Variants in MTMR2 observed in about 807,000 individuals in gnomAD.
MTMR2 encodes myotubularin related protein 2, also known as phosphatidylinositol-3,5-bisphosphate 3-phosphatase MTMR2.
Under a neutral mutation model 86.9 loss-of-function variants are expected in MTMR2, and 55 were observed. The observed-to-expected ratio is 0.63, with a 90% CI of 0.51 to 0.79. The LOEUF is 0.79. Ranked by LOEUF, MTMR2 falls within the 30% of genes least tolerant of loss-of-function variation. The pLI, the probability that MTMR2 is intolerant of heterozygous loss-of-function variation, is 0.00. For synonymous variants in MTMR2, 241 were observed against 266.8 expected (o/e 0.90, Z 0.94); for missense variants, 659 against 772.3 (o/e 0.85, Z 1.74).
At position 95,860,940 on chromosome 11, in the gene MTMR2, G is replaced by A. The variant is rs1284554289; in HGVS notation, c.468+1052C>T. 3.9e-5 allele frequency among the ~76,000 whole-genome samples: 6 copies of A among 151,994 alleles called. No homozygotes were observed. The East Asian group carries it at 1.2e-3, about 29-fold the overall frequency. On this transcript the variant is annotated intron_variant, in intron 5 of 14. Transcript: ENST00000346299. ...TGAGAGGCCGAGATGGGCAGATCAC[G>A]AGGTCAGGAGATTGGGACCATCCTG...
chr11:95,897,185 G>A (rs1413676188), intron 1 of MTMR2, among the ~76,000 whole-genome samples: 1 of 152,018 alleles, frequency 6.6e-6, no homozygotes, highest in Non-Finnish European at 1.5e-5. Context: ...GGACTTAAAG[G>A]TTAAGAATCT....
intron 1 of MTMR2, among the ~76,000 whole-genome samples, chr11:95,916,976 A>G (rs1866735083): frequency 6.6e-6 from 1 of 152,202 alleles, no homozygotes; most frequent in Admixed American, 6.5e-5. Context: ...AGCTTTGCAT[A>G]ATAAAGCTAC....
chr11:95,888,928 A>C (rs1865613039), intron 1 of MTMR2, among the ~76,000 whole-genome samples: 1 of 152,172 alleles, frequency 6.6e-6, no homozygotes, highest in Admixed American at 6.5e-5. Context: ...AAAGGTATAG[A>C]AGTATCAAAG....
chr11:95,890,559 G>A (rs1865681512), intron 1 of MTMR2, among the ~76,000 whole-genome samples: 1 of 152,244 alleles, frequency 6.6e-6, no homozygotes, highest in Non-Finnish European at 1.5e-5. Context: ...AAACAGCAGG[G>A]TAGTCTTTGT....
At chr11:95,860,532 T>G (rs1864374841) in intron 5 of MTMR2, among the ~76,000 whole-genome samples, 1 of 152,082 alleles carries the variant, frequency 6.6e-6, no homozygotes, top group South Asian at 2.1e-4. Context: ...AAATAATTAC[T>G]AAGTCATTAG....
intron 1 of MTMR2, among the ~76,000 whole-genome samples, chr11:95,919,929 T>C (rs1391258364): frequency 6.6e-6 from 1 of 152,186 alleles, no homozygotes; most frequent in Non-Finnish European, 1.5e-5. Flanking sequence ...CATTTTATAA[T>C]AGTGTATAAA....
chr11:95,841,552 A>G, intron 12 of MTMR2, 65 bp downstream of exon 12: 1 of 1,193,032 alleles, frequency 8.4e-7, no homozygotes, highest in Admixed American at 1.7e-5. Flanking sequence ...CAGTGACCAA[A>G]TCTCCCCACT....
At chr11:95,913,112 AT>A (rs1271399383) in intron 1 of MTMR2, 1 of 152,130 alleles carries the variant, frequency 6.6e-6, no homozygotes, top group African/African-American at 2.4e-5. Flanking sequence ...AAGAAACAGT[AT>A]GTTTTTCATT....
At chr11:95,872,295 A>C (rs1471646426) in intron 2 of MTMR2, among the ~76,000 whole-genome samples, 3 of 151,946 alleles carry the variant, frequency 2.0e-5, no homozygotes, top group Non-Finnish European at 4.4e-5. Context: ...CTTTTATTTC[A>C]TTGAGCAGTG....
Position 95,901,637 on chromosome 11 carries a change from A to G in MTMR2, c.81-13376T>C, listed in dbSNP as rs938410229. Among the ~76,000 whole-genome samples, 3 of 152,330 alleles carry G rather than the reference A, an allele frequency of 2.0e-5. No homozygotes were observed. In the East Asian group the frequency reaches 5.8e-4, roughly 29 times the overall value. ...AATTGGATCTCCTTTTGACTAACTC[A>G]TATTGCTTCTGATAAGGAGTACAGA... On this transcript the variant is annotated intron_variant, in intron 1 of 14. Transcript: ENST00000346299.
At chr11:95,922,121 G>A (rs550939294) in intron 1 of MTMR2, among the ~76,000 whole-genome samples, 1 of 152,086 alleles carries the variant, frequency 6.6e-6, no homozygotes, top group South Asian at 2.1e-4. Flanking sequence ...GAGTTCCAAG[G>A]GACCTTACAG....
chr11:95,850,645 T>G lies in MTMR2; in HGVS notation c.759A>C (p.Glu253Asp), dbSNP rs753939570. ...TGAAGGATGCCACTCTCTTTAATTC[T>G]TCATCAGGAATATTTGCTGGCACAA... ...LLVVPANIPD[E>D]ELKRVASFRS... is the part of the protein sequence containing the mutation. Residue 253 changes from glutamate (E) to aspartate (D), a missense_variant, in exon 8 of 15, where the codon GAA becomes GAC. Coordinates refer to ENST00000346299, the MANE Select transcript of MTMR2 (RefSeq NM_016156.6). 6.8e-6 allele frequency: 11 copies of G among 1,614,168 alleles called. No individual in the cohort carries two copies. Among genetic ancestry groups the G allele is most frequent in the Non-Finnish European group, 9.3e-6 (11 of 1,180,000 alleles).
chr11:95,853,400 C>T (rs1272023905), intron 7 of MTMR2, among the ~76,000 whole-genome samples: 1 of 152,166 alleles, frequency 6.6e-6, no homozygotes. Context: ...CCATTCTCTA[C>T]ACTGCCTCCA....
Position 95,857,592 on chromosome 11 carries a change from C to T in MTMR2, c.614G>A (p.Gly205Glu), listed in dbSNP as rs1332787954. 1 of 1,612,614 alleles carries T rather than the reference C, an allele frequency of 6.2e-7. No homozygotes were observed. Among genetic ancestry groups the T allele is most frequent in the Admixed American group, 1.7e-5 (1 of 60,000 alleles). ...TAAAAGAGGGTCATATAGCTTCCACCCATTTTCAGGGAATACTTCTTTGTA... is the reference window on the plus strand; with the variant it reads ...TAAAAGAGGGTCATATAGCTTCCACTCATTTTCAGGGAATACTTCTTTGTA... ...FEYKEVFPEN[G>E]WKLYDPLLEY... The change falls in exon 7 of 15, where the codon GGG (glycine) becomes GAG (glutamate). Residue 205 changes from glycine to glutamate, a missense_variant. By Grantham distance (98) the Gly-to-Glu change is moderately conservative (BLOSUM62 -2). Transcript: ENST00000346299.
At chr11:95,866,556 A>G (rs1279347666) in intron 2 of MTMR2, 2 of 151,980 alleles carry the variant, frequency 1.3e-5, no homozygotes, top group Non-Finnish European at 2.9e-5. Context: ...TTGAAAGTTT[A>G]ACAATTTGTT....
intron 14 of MTMR2, 103 bp downstream of exon 14, chr11:95,836,045 G>A: frequency 8.6e-7 from 1 of 1,163,444 alleles, no homozygotes; most frequent in East Asian, 2.3e-5. Flanking sequence ...TGGGTAAGGA[G>A]TAAAGTTTTA....
chr11:95,886,198 C>T (rs987275585), intron 2 of MTMR2, among the ~76,000 whole-genome samples: 5 of 151,966 alleles, frequency 3.3e-5, no homozygotes, highest in Non-Finnish European at 7.4e-5. Flanking sequence ...TTAATAATAA[C>T]GTATCAGTAT....
chr11:95,845,882 TAAAAAAAAA>T (rs201863810), intron 10 of MTMR2, among the ~76,000 whole-genome samples: 1 of 90,100 alleles, frequency 1.1e-5, no homozygotes, highest in East Asian at 2.9e-4. Context: ...TATGGTATCT[TAAAAAAAAA>T]AAAAAAAAAA....
In MTMR2 at chr11:95,835,333, C is replaced by G; in HGVS notation, c.1889G>C (p.Ser630Thr). ...NRSTSSSERA[S>T]SPAQCVTPVQ... ...AGGAGTGACACACTGTGCAGGAGAG[C>G]TGGCTCTCTCTGAGGATGAGGTTGA... is the stretch of plus-strand genomic sequence containing the variant. The change falls in exon 15 of 15, where the codon AGC becomes ACC. Residue 630 changes from serine to threonine, a missense_variant. Around this residue, in one of 3 missense-constraint regions of MTMR2, gnomAD observed 193 missense variants for 191.6 expected, o/e 1.01. Transcript: ENST00000346299. 2 of 1,613,062 alleles carry G rather than the reference C, an allele frequency of 1.2e-6. No homozygotes were observed. Among genetic ancestry groups the G allele is most frequent in the Non-Finnish European group, 1.7e-6 (2 of 1,179,348 alleles).
Sources: gnomAD v4.1 joint callset for allele counts (sites outside exome capture counted in the v4.1 genomes callset) on GRCh38, gnomAD v4.1.1 for gene constraint, gnomAD v4.1.1 regional missense constraint, MANE v1.5 for transcripts, NCBI Gene and HGNC (gene_info 2026-07-23, HGNC 2026-07-21) for gene names.